The following CLSTN2 variants were observed in gnomAD, a reference collection of about 807,000 sequenced individuals.
The protein encoded by CLSTN2 is calsyntenin-2.
A neutral mutation model predicts 101.2 loss-of-function variants in CLSTN2; 48 were observed. The ratio of observed to expected loss-of-function variants is 0.47; its 90% CI spans 0.38 to 0.60. The LOEUF (loss-of-function observed/expected upper bound fraction) is 0.60. CLSTN2 is among the 20% of genes least tolerant of loss of function. CLSTN2 has a pLI of 0.00. For missense variants in CLSTN2, 1,160 were observed against 1,238.2 expected, an observed-to-expected ratio of 0.94 and a Z score of 0.95; for synonymous variants, 481 against 463.6, an observed-to-expected ratio of 1.04 and a Z score of -0.48.
Position 140,553,519 on chromosome 3 carries a change from C to T in CLSTN2, c.1675-2994C>T, listed in dbSNP as rs533359228. 1.2e-4 allele frequency among the ~76,000 whole-genome samples: 19 copies of T among 152,258 alleles called. No homozygotes were observed. The South Asian group carries it at 3.9e-3, about 32-fold the overall frequency. The stretch of plus-strand genomic sequence containing the variant: ...TGACCTTGGGGAAGTGAGAATCAGG[C>T]CTGGGAAGTGCTAAATTTTCCCAAA... On this transcript the variant is annotated intron_variant, in intron 10 of 16. Coordinates refer to ENST00000458420, the MANE Select transcript of CLSTN2 (RefSeq NM_022131.3).
Position 140,002,403 on chromosome 3 carries a change from G to A in CLSTN2, c.109+66920G>A, listed in dbSNP as rs938333382. 2.0e-5 allele frequency among the ~76,000 whole-genome samples: 3 copies of A among 151,980 alleles called. No individual in the cohort carries two copies. The South Asian group carries it at 6.2e-4, about 32-fold the overall frequency. ...TCAAATCTTTTGCCCATTTTAATTG[G>A]ATTATTAGACTTTTACCTATAGAGT... On this transcript the variant is annotated intron_variant, in intron 1 of 16. Transcript: ENST00000458420.
chr3:140,074,968 C>G (rs999355802), intron 1 of CLSTN2, among the ~76,000 whole-genome samples: 15 of 152,114 alleles, frequency 9.9e-5, no homozygotes, highest in Non-Finnish European at 2.1e-4. Flanking sequence ...CACAGTTTGT[C>G]TCTCCCCTGC....
chr3:140,082,970 C>A (rs1297051425), intron 1 of CLSTN2, among the ~76,000 whole-genome samples: 3 of 152,192 alleles, frequency 2.0e-5, no homozygotes, highest in Admixed American at 2.0e-4. Flanking sequence ...ACCATCATTT[C>A]AACCAGAGGG....
chr3:140,028,352 C>A (rs2007465185), intron 1 of CLSTN2, among the ~76,000 whole-genome samples: 1 of 152,118 alleles, frequency 6.6e-6, no homozygotes, highest in South Asian at 2.1e-4. Flanking sequence ...GTGCTGGAGC[C>A]TTTTGCACAT....
At chr3:140,201,078 T>A (rs1424503990) in intron 2 of CLSTN2, among the ~76,000 whole-genome samples, 1 of 152,222 alleles carries the variant, frequency 6.6e-6, no homozygotes, top group East Asian at 1.9e-4. Context: ...TAAAGCCCTA[T>A]ACTTGTTGGC....
intron 8 of CLSTN2, among the ~76,000 whole-genome samples, chr3:140,500,675 C>T (rs545466993): frequency 4.6e-5 from 7 of 152,316 alleles, no homozygotes; most frequent in African/African-American, 1.4e-4. Context: ...CCCAGTCCCC[C>T]AACCTCATAA....
At chr3:140,534,121 G>T (rs1047514343) in intron 9 of CLSTN2, among the ~76,000 whole-genome samples, 2 of 152,104 alleles carry the variant, frequency 1.3e-5, no homozygotes, top group African/African-American at 4.8e-5. Flanking sequence ...CAGAGGTTGC[G>T]CAGGAATCAA....
At chr3:140,261,722 C>T (rs374565731) in intron 2 of CLSTN2, among the ~76,000 whole-genome samples, 3 of 152,126 alleles carry the variant, frequency 2.0e-5, no homozygotes, top group African/African-American at 7.2e-5. Context: ...GTGTTACTAT[C>T]TGCGTCTATA....
chr3:140,398,777 A>T (rs1393838373), intron 2 of CLSTN2, among the ~76,000 whole-genome samples: 1 of 152,248 alleles, frequency 6.6e-6, no homozygotes, highest in African/African-American at 2.4e-5. Context: ...GTTCAAAAGT[A>T]TTCAAAGGAA....
intron 6 of CLSTN2, chr3:140,450,118 C>T (rs909991669): frequency 1.3e-5 from 2 of 152,166 alleles, no homozygotes; most frequent in Non-Finnish European, 2.9e-5. Context: ...TCTTCACATG[C>T]ATTACTTTAT....
chr3:140,432,903 A>G lies in CLSTN2; in HGVS notation c.787+11629A>G, dbSNP rs140272624. The stretch of plus-strand genomic sequence containing the variant: ...CTTACTATTTGCCAAGCCTTATCTA[A>G]GGGCATTCATTGCATGCACGTGGTC... On this transcript the variant is annotated intron_variant, in intron 5 of 16. Transcript: ENST00000458420. 2.0e-4 allele frequency among the ~76,000 whole-genome samples: 30 copies of G among 152,332 alleles called. No homozygotes were observed. In the East Asian group the frequency reaches 5.6e-3, roughly 28 times the overall value.
chr3:140,139,501 C>G (rs1312874657), intron 1 of CLSTN2, among the ~76,000 whole-genome samples: 1 of 152,104 alleles, frequency 6.6e-6, no homozygotes, highest in Non-Finnish European at 1.5e-5. Context: ...ATCTGAGGAG[C>G]TTTAAAAACT....
chr3:140,549,779 C>T (rs564632767), intron 10 of CLSTN2, among the ~76,000 whole-genome samples: 6 of 150,024 alleles, frequency 4.0e-5, no homozygotes, highest in Non-Finnish European at 7.4e-5. Flanking sequence ...AGTTACTGCC[C>T]TCCTCCCACC....
intron 9 of CLSTN2, among the ~76,000 whole-genome samples, chr3:140,537,787 A>T (rs1225129984): frequency 6.6e-6 from 1 of 152,180 alleles, no homozygotes; most frequent in Non-Finnish European, 1.5e-5. Context: ...TCTACTCATA[A>T]ACAATAAAAA....
intron 1 of CLSTN2, among the ~76,000 whole-genome samples, chr3:140,172,851 T>C (rs2010261302): frequency 6.6e-6 from 1 of 152,192 alleles, no homozygotes; most frequent in Non-Finnish European, 1.5e-5. Context: ...TGGGAGAAAC[T>C]GCCCCCATGA....
At chr3:140,253,127 G>A (rs78573915) in intron 2 of CLSTN2, among the ~76,000 whole-genome samples, 4,435 of 152,230 alleles carry the variant, frequency 0.029, 116 homozygotes, top group South Asian at 0.05. Flanking sequence ...GCAAAAGACA[G>A]TGGGAGCCCT....
intron 2 of CLSTN2, among the ~76,000 whole-genome samples, chr3:140,211,442 T>C (rs1371365526): frequency 2.0e-5 from 2 of 101,188 alleles, no homozygotes; most frequent in African/African-American, 5.9e-5. Flanking sequence ...TATATATATA[T>C]TATTTATCAA....
chr3:140,143,960 T>C (rs1033190096), intron 1 of CLSTN2, among the ~76,000 whole-genome samples: 1 of 152,220 alleles, frequency 6.6e-6, no homozygotes, highest in Non-Finnish European at 1.5e-5. Context: ...GACAACTTAA[T>C]AGATGTCTTT....
At chr3:140,555,534 A>T (rs1456716303) in intron 10 of CLSTN2, among the ~76,000 whole-genome samples, 2 of 152,228 alleles carry the variant, frequency 1.3e-5, no homozygotes, top group African/African-American at 4.8e-5. Context: ...CATTTGAACC[A>T]TGTGAATATA....
Sources: allele counts gnomAD v4.1 joint callset (sites outside exome capture counted in the v4.1 genomes callset), GRCh38; gene constraint gnomAD v4.1.1; transcripts MANE v1.5; gene names NCBI Gene and HGNC (gene_info 2026-07-23, HGNC 2026-07-21).